RB1: variants seen among roughly 807,000 people sequenced by gnomAD.
RB1 encodes RB transcriptional corepressor 1, also known as retinoblastoma-associated protein.
In RB1, 18 loss-of-function variants were observed where a neutral mutation model predicts 135.4. The ratio of observed to expected loss-of-function variants is 0.13; its 90% CI spans 0.09 to 0.20. The LOEUF (loss-of-function observed/expected upper bound fraction) is 0.20, where lower values mean the gene tolerates loss of function less well. Ranked by LOEUF, RB1 falls within the 10% of genes least tolerant of loss-of-function variation. The pLI, the probability that RB1 is intolerant of heterozygous loss-of-function variation, is 1.00. For missense variants in RB1, 868 were observed against 1,110.0 expected, an observed-to-expected ratio of 0.78 and a Z score of 3.10; for synonymous variants, 365 against 373.2, an observed-to-expected ratio of 0.98 and a Z score of 0.25.
Position 48,480,480 on chromosome 13 carries a change from T to A in RB1, c.*409T>A, listed in dbSNP as rs1206563438. ...TTATTAATTTATATGTATATTTTTT[T>A]AATTTAACATGAACACCCTTAGAAA... On this transcript the variant is annotated 3_prime_UTR_variant, in exon 27 of 27. Coordinates refer to ENST00000267163, the MANE Select transcript of RB1 (RefSeq NM_000321.3). 3 of 235,150 alleles carry A rather than the reference T, an allele frequency of 1.3e-5. No individual in the cohort carries two copies. The highest frequency in any genetic ancestry group is 8.4e-6 in the Non-Finnish European group (1 of 119,040). 14.6% of individuals were successfully genotyped at this position (235,150 alleles called of 1,614,324 possible). A position where few individuals can be genotyped will look rare whatever the true frequency, so the allele number is the denominator to read the frequency against.
intron 11 of RB1, among the ~76,000 whole-genome samples, chr13:48,369,006 CA>C (rs981414332): frequency 0.019 from 2,780 of 146,948 alleles, 82 homozygotes; most frequent in African/African-American, 0.066. Context: ...AACTCCGTCT[CA>C]AAAAAAAAAT....
intron 2 of RB1, among the ~76,000 whole-genome samples, chr13:48,329,246 T>TGC (rs1952313679): frequency 6.6e-6 from 1 of 152,220 alleles, no homozygotes. Flanking sequence ...TTCTAAAAAC[T>TGC]ATTTTTAAAG....
intron 12 of RB1, among the ~76,000 whole-genome samples, chr13:48,375,465 A>G (rs1158250371): frequency 6.6e-6 from 1 of 150,944 alleles, no homozygotes; most frequent in East Asian, 1.9e-4. Context: ...TATGTTTCTA[A>G]GTTTGTGTGC....
At chr13:48,371,462 G>C (rs1319567203) in intron 11 of RB1, among the ~76,000 whole-genome samples, 2 of 152,146 alleles carry the variant, frequency 1.3e-5, no homozygotes, top group Admixed American at 1.3e-4. Context: ...AAATCTCTGG[G>C]CTTGTCTGTT....
At position 48,476,832 on chromosome 13, in the gene RB1, A is replaced by C. The variant is rs765537411; in HGVS notation, c.2652A>C (p.Glu884Asp). Residue 884 changes from glutamate (E) to aspartate (D), a missense_variant, in exon 25 of 27, where the codon GAA (glutamate) becomes GAC (aspartate). Physicochemically the swap from Glu to Asp is conservative, Grantham distance 45. Coordinates refer to ENST00000267163, the MANE Select transcript of RB1 (RefSeq NM_000321.3). ...GCTTTGATATTGAAGGATCAGATGAAGCAGATGGAAGGTAGGAACCAGTTT... is the reference window on the plus strand; with the variant it reads ...GCTTTGATATTGAAGGATCAGATGACGCAGATGGAAGGTAGGAACCAGTTT... Reference protein sequence around the residue: ...KLRFDIEGSDEADGSKHLPGE... With the variant: ...KLRFDIEGSDDADGSKHLPGE... 2.3e-5 allele frequency: 37 copies of C among 1,613,488 alleles called. No homozygotes were observed. The Admixed American group carries it at 5.0e-4, about 22-fold the overall frequency.
At chr13:48,354,651 G>A (rs777895335) in intron 6 of RB1, among the ~76,000 whole-genome samples, 59 of 150,198 alleles carry the variant, frequency 3.9e-4, no homozygotes, top group Non-Finnish European at 6.7e-4. Context: ...GAAAGACGAC[G>A]TTGCTTGACT....
intron 17 of RB1, among the ~76,000 whole-genome samples, chr13:48,394,733 G>A (rs187710715): frequency 2.0e-5 from 3 of 152,190 alleles, no homozygotes; most frequent in Non-Finnish European, 4.4e-5. Context: ...TGAAAGAAAG[G>A]CAGCAGCCCC....
chr13:48,315,211 AT>A (rs1301223616), intron 2 of RB1, among the ~76,000 whole-genome samples: 1 of 152,028 alleles, frequency 6.6e-6, no homozygotes, highest in East Asian at 1.9e-4. Flanking sequence ...TCTCTGATTT[AT>A]TTGAGCTGTG....
intron 20 of RB1, among the ~76,000 whole-genome samples, chr13:48,462,462 T>C (rs1397431912): frequency 1.3e-5 from 2 of 152,198 alleles, no homozygotes; most frequent in African/African-American, 4.8e-5. Flanking sequence ...CTTGTTATTA[T>C]TGAACTGTAA....
chr13:48,422,948 C>T (rs1199585550), intron 17 of RB1, among the ~76,000 whole-genome samples: 1 of 152,048 alleles, frequency 6.6e-6, no homozygotes, highest in Non-Finnish European at 1.5e-5. Context: ...CAAGACCAGC[C>T]TAGGCAACAT....
At chr13:48,430,249 A>C (rs552040348) in intron 17 of RB1, among the ~76,000 whole-genome samples, 44 of 152,336 alleles carry the variant, frequency 2.9e-4, no homozygotes, top group African/African-American at 1.0e-3. Context: ...TATCCACTTC[A>C]AATCAGTGGA....
intron 16 of RB1, 28 bp from the exon 17 acceptor site, chr13:48,381,215 CATAA>C: frequency 6.4e-7 from 1 of 1,568,130 alleles, no homozygotes; most frequent in South Asian, 1.2e-5. Context: ...GTTAATATTT[CATAA>C]ATAGTTACTT....
intron 20 of RB1, among the ~76,000 whole-genome samples, chr13:48,460,549 T>A (rs1949398721): frequency 6.6e-6 from 1 of 152,234 alleles, no homozygotes; most frequent in African/African-American, 2.4e-5. Context: ...GCATGAGACT[T>A]AAGAATCAGT....
rs35427721 is a variant in RB1, at chr13:48,379,957, T to TAA, written c.1390-71_1390-70dup. On this transcript the variant is annotated intron_variant, in intron 14 of 26. Transcript: ENST00000267163. ...CCTGGCAACAGAGCAAGACACCATCTAAAAAAAAAAAAAAAAAAAAAAAAA... is the reference window on the plus strand; with the variant it reads ...CCTGGCAACAGAGCAAGACACCATCTAAAAAAAAAAAAAAAAAAAAAAAAAAA... The TAA allele has an allele frequency of 9.8e-3, 3,586 of 366,778 alleles. 5 individuals are homozygous for TAA. The highest frequency in any genetic ancestry group is 0.012 in the East Asian group (82 of 7,076). 22.7% of individuals were successfully genotyped at this position (366,778 alleles called of 1,614,324 possible).
At chr13:48,394,285 C>T (rs573898308) in intron 17 of RB1, among the ~76,000 whole-genome samples, 2 of 152,330 alleles carry the variant, frequency 1.3e-5, no homozygotes, top group Middle Eastern at 3.4e-3. Flanking sequence ...CGGGTGCCTA[C>T]ACCACCAGGG....
chr13:48,319,376 G>GGCCT lies in RB1; in HGVS notation c.264+11971_264+11974dup. ...TTTGCCGCAGCTAGTACACCTGGAT[G>GGCCT]GCCTCCTCAGTGCCGTCGTTGCTGC... On this transcript the variant is annotated intron_variant, in intron 2 of 26. Transcript: ENST00000267163. This position sits in a 1 kb window ranked among gnomAD's most constrained non-coding sequence, Gnocchi z 5.0. 1 of 453,748 alleles carries GGCCT rather than the reference G, an allele frequency of 2.2e-6. No homozygotes were observed. The highest frequency in any genetic ancestry group is 4.1e-6 in the Non-Finnish European group (1 of 243,662). The allele number at this position is 453,748 out of a possible 1,614,324, so 28.1% of individuals were successfully genotyped here. A position where few individuals can be genotyped will look rare whatever the true frequency, so the allele number is the denominator to read the frequency against.
intron 2 of RB1, among the ~76,000 whole-genome samples, chr13:48,334,670 C>T (rs1390273782): frequency 6.6e-6 from 1 of 152,096 alleles, no homozygotes; most frequent in South Asian, 2.1e-4. Context: ...TCAGTTGTGA[C>T]AGCATACATA....
At chr13:48,410,513 C>T (rs1184157740) in intron 17 of RB1, among the ~76,000 whole-genome samples, 1 of 152,118 alleles carries the variant, frequency 6.6e-6, no homozygotes, top group African/African-American at 2.4e-5. Context: ...ATGCCAAGTA[C>T]TATATTTCAC....
chr13:48,412,639 T>C, intron 17 of RB1: 1 of 587,918 alleles, frequency 1.7e-6, no homozygotes, highest in Non-Finnish European at 3.1e-6. Context: ...CAGGAAAATA[T>C]TTTCATTTGT....
Sources: gnomAD v4.1 joint callset for allele counts (sites outside exome capture counted in the v4.1 genomes callset) on GRCh38, gnomAD v4.1.1 for gene constraint, Gnocchi (gnomAD v3.1) non-coding constraint, MANE v1.5 for transcripts, NCBI Gene and HGNC (gene_info 2026-07-23, HGNC 2026-07-21) for gene names.